Variants in AKAP7 observed in about 807,000 individuals in gnomAD.
The protein encoded by AKAP7 is A kinase (PRKA) anchor protein 7.
AKAP7 carries 39 observed loss-of-function variants against 39.5 expected under a neutral mutation model. The observed-to-expected ratio is 0.99, with a 90% confidence interval of 0.76 to 1.29. AKAP7 has a LOEUF of 1.29. Among genes scored for constraint, AKAP7 ranks in the 50% most tolerant of loss-of-function variants. The pLI, the probability that AKAP7 is intolerant of heterozygous loss-of-function variation, is 0.00. For missense variants in AKAP7, 414 were observed against 407.7 expected (o/e 1.02, Z -0.13); for synonymous variants, 140 against 139.1 (o/e 1.01, Z -0.05).
rs1285571028 is a variant in AKAP7, at chr6:131,135,775, C to G, written c.12C>G (p.Pro4=). The change falls in exon 1 of 8, where the codon CCC becomes CCG. Residue 4 remains proline (P), a synonymous_variant. Coordinates refer to ENST00000431975, the MANE Select transcript of AKAP7 (RefSeq NM_016377.4). ...CATGCGCCGCGACCATGGAGCGCCC[C>G]GAAGCGGGTGAGACCGGGCTGTCCA... MER[P]EAGGINSNEC... is the part of the protein sequence containing the mutation. 8.1e-7 allele frequency: 1 copy of G among 1,230,274 alleles called. No homozygotes were observed. Among genetic ancestry groups the G allele is most frequent in the Admixed American group, 4.3e-5 (1 of 23,464 alleles). The allele number at this position is 1,230,274 out of a possible 1,614,324, so 76.2% of individuals were successfully genotyped here. A position where few individuals can be genotyped will look rare whatever the true frequency, so the allele number is the denominator to read the frequency against.
chr6:131,268,691 T>A (rs778152985), intron 7 of AKAP7, among the ~76,000 whole-genome samples: 5 of 152,234 alleles, frequency 3.3e-5, no homozygotes, highest in South Asian at 2.1e-4. Flanking sequence ...GTGACCTTAT[T>A]TCTGCTCATA....
intron 5 of AKAP7, among the ~76,000 whole-genome samples, chr6:131,182,395 A>G (rs1805352980): frequency 6.6e-6 from 1 of 152,186 alleles, no homozygotes; most frequent in Non-Finnish European, 1.5e-5. Context: ...AAGTGAAATC[A>G]TGTAGTATTT....
Position 131,282,239 on chromosome 6 carries a change from T to TCA in AKAP7, c.*513_*514insCA. 1 of 1,348,244 alleles carries TCA rather than the reference T, an allele frequency of 7.4e-7. No homozygotes were observed. Among genetic ancestry groups the TCA allele is most frequent in the East Asian group, 2.7e-5 (1 of 36,574 alleles). The allele number at this position is 1,348,244 out of a possible 1,614,324, so 83.5% of individuals were successfully genotyped here. On this transcript the variant is annotated 3_prime_UTR_variant, in exon 8 of 8. Transcript: ENST00000431975. ...CTGTTGCTATGCAGTGTGATCTTTA[T>TCA]TTATAGTAAATTATGTTTCATGTAA...
At chr6:131,267,558 T>A (rs1055542107) in intron 7 of AKAP7, among the ~76,000 whole-genome samples, 1 of 152,084 alleles carries the variant, frequency 6.6e-6, no homozygotes, top group Non-Finnish European at 1.5e-5. Flanking sequence ...GCCTTCAGGG[T>A]CTCTCCCTTG....
At chr6:131,253,787 T>C (rs1316017722) in intron 7 of AKAP7, among the ~76,000 whole-genome samples, 1 of 152,180 alleles carries the variant, frequency 6.6e-6, no homozygotes, top group Non-Finnish European at 1.5e-5. Flanking sequence ...TCCATCCATG[T>C]TGCTGAAAAT....
rs568711324 is a variant in AKAP7 at position 131,191,936 on chromosome 6, G to A, written c.590-7525G>A. The stretch of plus-strand genomic sequence containing the variant: ...GCTACAGGTGCGCACCACCATGCCT[G>A]GCTAATTTTCATATCTTTTTGTAGA... On this transcript the variant is annotated intron_variant, in intron 5 of 7. Coordinates refer to ENST00000431975, the MANE Select transcript of AKAP7 (RefSeq NM_016377.4). Among the ~76,000 whole-genome samples the A allele has an allele frequency of 4.6e-5, 7 of 150,672 alleles. No homozygotes were observed. The South Asian group carries it at 1.5e-3, about 32-fold the overall frequency.
intron 1 of AKAP7, among the ~76,000 whole-genome samples, chr6:131,144,477 C>G (rs1334259803): frequency 6.6e-6 from 1 of 152,146 alleles, no homozygotes; most frequent in Admixed American, 6.5e-5. Context: ...TATTAGTATT[C>G]CAGGATTCTG....
intron 6 of AKAP7, among the ~76,000 whole-genome samples, chr6:131,211,358 A>G (rs1321093733): frequency 6.6e-6 from 1 of 152,150 alleles, no homozygotes; most frequent in South Asian, 2.1e-4. Context: ...TGAAATCTCT[A>G]AAAGAAAAGG....
intron 5 of AKAP7, among the ~76,000 whole-genome samples, chr6:131,183,325 C>A (rs1213309216): frequency 9.9e-5 from 15 of 152,112 alleles, no homozygotes; most frequent in Non-Finnish European, 2.1e-4. Flanking sequence ...AGCGAGCATG[C>A]AGGGGAAGAA....
At chr6:131,275,573 C>T (rs762946514) in intron 7 of AKAP7, among the ~76,000 whole-genome samples, 6 of 152,172 alleles carry the variant, frequency 3.9e-5, no homozygotes, top group Admixed American at 6.5e-5. Context: ...AGAAAAGTCT[C>T]TAAGGGGCTG....
chr6:131,217,114 T>G (rs565155186), intron 6 of AKAP7, among the ~76,000 whole-genome samples: 44 of 152,222 alleles, frequency 2.9e-4, no homozygotes, highest in African/African-American at 1.1e-3. Context: ...AGAGAATAAT[T>G]TTGGGGGTCC....
chr6:131,162,643 T>C (rs1038991789), intron 3 of AKAP7, among the ~76,000 whole-genome samples: 1 of 152,214 alleles, frequency 6.6e-6, no homozygotes, highest in Non-Finnish European at 1.5e-5. Flanking sequence ...TTGTCGTTGT[T>C]CGTCTCTCCT....
At chr6:131,167,518 TCATAGCACACAGTGAAGG>T (rs1274096367) in intron 4 of AKAP7, among the ~76,000 whole-genome samples, 1 of 152,186 alleles carries the variant, frequency 6.6e-6, no homozygotes, top group East Asian at 1.9e-4. Flanking sequence ...ATGCTTTAAT[TCATAGCACACAGTGAAGG>T]AAAATACTGA....
intron 3 of AKAP7, among the ~76,000 whole-genome samples, chr6:131,160,559 G>A (rs1293529558): frequency 1.3e-5 from 2 of 152,154 alleles, no homozygotes; most frequent in Non-Finnish European, 2.9e-5. Context: ...ACTTGAAAAA[G>A]TGTTGCCAGA....
chr6:131,275,817 A>G (rs980702017), intron 7 of AKAP7, among the ~76,000 whole-genome samples: 1 of 152,208 alleles, frequency 6.6e-6, no homozygotes, highest in Admixed American at 6.5e-5. Context: ...AGAAATGAAG[A>G]TTCCAAATGC....
At chr6:131,143,065 T>C (rs552818811) in intron 1 of AKAP7, among the ~76,000 whole-genome samples, 2 of 152,362 alleles carry the variant, frequency 1.3e-5, no homozygotes, top group East Asian at 3.9e-4. Context: ...GAATAACTTC[T>C]TTTTGATTTT....
At chr6:131,207,935 G>T (rs905953564) in intron 6 of AKAP7, among the ~76,000 whole-genome samples, 2 of 152,056 alleles carry the variant, frequency 1.3e-5, no homozygotes, top group Non-Finnish European at 2.9e-5. Context: ...AAAGCAGATT[G>T]TTTCTGTAAA....
chr6:131,172,299 G>A, intron 5 of AKAP7, among the ~76,000 whole-genome samples: 1 of 152,106 alleles, frequency 6.6e-6, no homozygotes, highest in East Asian at 1.9e-4. Flanking sequence ...CTTCTATGGA[G>A]GAAATATTTT....
chr6:131,187,708 C>G (rs1411553466), intron 5 of AKAP7, among the ~76,000 whole-genome samples: 1 of 151,774 alleles, frequency 6.6e-6, no homozygotes, highest in South Asian at 2.1e-4. Context: ...ATACATAAAG[C>G]AATGAAAAAA....
Sources: allele counts gnomAD v4.1 joint callset (sites outside exome capture counted in the v4.1 genomes callset), GRCh38; gene constraint gnomAD v4.1.1; transcripts MANE v1.5; gene names NCBI Gene and HGNC (gene_info 2026-07-23, HGNC 2026-07-21).